SEMA3C: variants seen among roughly 807,000 people sequenced by gnomAD.
The protein encoded by SEMA3C is semaphorin 3C.
Under a neutral mutation model 89.4 loss-of-function variants are expected in SEMA3C, and 47 were observed. The observed-to-expected ratio is 0.53, with a 90% confidence interval of 0.42 to 0.67. SEMA3C has a LOEUF of 0.67. Ranked by LOEUF, SEMA3C falls within the 30% of genes least tolerant of loss-of-function variation. The probability of loss-of-function intolerance (pLI) is 0.00; values close to 1 mark genes in which losing one functional copy is unlikely to be tolerated. For synonymous variants in SEMA3C, 310 were observed against 320.2 expected (o/e 0.97, Z 0.34); for missense variants, 839 against 929.1 (o/e 0.90, Z 1.26).
At chr7:80,853,953 T>C (rs1256750949) in intron 2 of SEMA3C, among the ~76,000 whole-genome samples, 1 of 148,140 alleles carries the variant, frequency 6.8e-6, no homozygotes, top group Admixed American at 6.7e-5. Context: ...ATATTAAAAA[T>C]AAAAAAAATG....
Position 80,745,048 on chromosome 7 carries a change from T to C in SEMA3C, c.2102A>G (p.Glu701Gly). The C allele has an allele frequency of 6.2e-7, 1 of 1,614,152 alleles. No individual in the cohort carries two copies. Among genetic ancestry groups the C allele is most frequent in the South Asian group, 1.1e-5 (1 of 91,082 alleles). The change falls in exon 18 of 18, where the codon GAA becomes GGA. Residue 701 changes from glutamate (E) to glycine (G), a missense_variant. Coordinates refer to ENST00000265361, the MANE Select transcript of SEMA3C (RefSeq NM_006379.5). ...GCAATATTGGTTAATCATCTGCATT[T>C]CTGAGTGGCTGAATGCCCCCATGAT... ...KDIMGAFSHS[E>G]MQMINQYCKD...
At chr7:80,879,186 T>C (rs779553031) in intron 2 of SEMA3C, among the ~76,000 whole-genome samples, 1 of 151,252 alleles carries the variant, frequency 6.6e-6, no homozygotes, top group Admixed American at 6.6e-5. Flanking sequence ...TGCTAGAAAA[T>C]TGAACCTAGG....
At chr7:80,790,078 T>G (rs1339348720) in intron 11 of SEMA3C, among the ~76,000 whole-genome samples, 1 of 151,764 alleles carries the variant, frequency 6.6e-6, no homozygotes, top group African/African-American at 2.4e-5. Flanking sequence ...AAGCCAGGGG[T>G]TCAAGACCAG....
At chr7:80,841,632 C>T (rs1274754768) in intron 2 of SEMA3C, among the ~76,000 whole-genome samples, 1 of 152,134 alleles carries the variant, frequency 6.6e-6, no homozygotes, top group Non-Finnish European at 1.5e-5. Flanking sequence ...TGGAGGACCA[C>T]CCACAGCTTT....
At chr7:80,806,227 G>A (rs893125214) in intron 6 of SEMA3C, among the ~76,000 whole-genome samples, 10 of 152,016 alleles carry the variant, frequency 6.6e-5, no homozygotes, top group African/African-American at 2.2e-4. Flanking sequence ...TGAACATCTA[G>A]AGTCTCAACC....
At chr7:80,838,961 AT>A (rs1790201950) in intron 2 of SEMA3C, among the ~76,000 whole-genome samples, 1 of 152,092 alleles carries the variant, frequency 6.6e-6, no homozygotes, top group African/African-American at 2.4e-5. Context: ...GTGTTGTGTA[AT>A]TCAATTAAAT....
At chr7:80,833,467 AAAAG>A (rs1352711582) in intron 2 of SEMA3C, among the ~76,000 whole-genome samples, 17 of 152,202 alleles carry the variant, frequency 1.1e-4, no homozygotes, top group Admixed American at 3.3e-4. Context: ...GTCTAAAAAA[AAAAG>A]AAAGAAAGAA....
At chr7:80,758,561 A>T in intron 14 of SEMA3C, 73 bp from the exon 15 acceptor site, 1 of 1,383,106 alleles carries the variant, frequency 7.2e-7, no homozygotes, top group Non-Finnish European at 1.0e-6. Context: ...AACACATTAT[A>T]ATATATGCCC....
In SEMA3C at chr7:80,799,653, C is replaced by A. The variant is rs548462111; in HGVS notation, c.986+1104G>T. On this transcript the variant is annotated intron_variant, in intron 10 of 17. Transcript: ENST00000265361. ...GATCAGGAGTTTGAGACCAGCCTGA[C>A]CAACATGGTGAAACCCTGTCTCTAC... 1.5e-4 allele frequency among the ~76,000 whole-genome samples: 23 copies of A among 151,188 alleles called. No individual in the cohort carries two copies. The East Asian group carries it at 4.1e-3, about 27-fold the overall frequency.
chr7:80,798,274 T>G, intron 10 of SEMA3C, 38 bp from the exon 11 acceptor site: 2 of 1,351,282 alleles, frequency 1.5e-6, no homozygotes, highest in Non-Finnish European at 1.9e-6. Flanking sequence ...TTCAAATTTT[T>G]AAAATTAAAA....
intron 2 of SEMA3C, among the ~76,000 whole-genome samples, chr7:80,871,210 C>A (rs530721424): frequency 1.3e-5 from 2 of 152,062 alleles, no homozygotes; most frequent in African/African-American, 4.8e-5. Context: ...AAGAGGGGAG[C>A]GAGTAGGAGA....
At chr7:80,840,187 A>G (rs1310045299) in intron 2 of SEMA3C, among the ~76,000 whole-genome samples, 2 of 151,936 alleles carry the variant, frequency 1.3e-5, no homozygotes, top group Non-Finnish European at 2.9e-5. Flanking sequence ...TACAAAACAG[A>G]AATATTCTTT....
At chr7:80,820,631 C>A (rs935199774) in intron 4 of SEMA3C, among the ~76,000 whole-genome samples, 22 of 152,048 alleles carry the variant, frequency 1.4e-4, no homozygotes, top group Non-Finnish European at 3.1e-4. Flanking sequence ...CCAGACCATA[C>A]ACTTTATTTT....
rs200175419 is a variant in SEMA3C at position 80,800,806 on chromosome 7, T to C, written c.937A>G (p.Thr313Ala). The C allele has an allele frequency of 1.4e-5, 21 of 1,518,124 alleles. No homozygotes were observed. The highest frequency in any genetic ancestry group is 3.5e-4 in the Middle Eastern group (2 of 5,782). The allele number at this position is 1,518,124 out of a possible 1,614,324, so 94.0% of individuals were successfully genotyped here. Residue 313 changes from threonine (T) to alanine (A), a missense_variant, in exon 10 of 18, where the codon ACT (threonine) becomes GCT (alanine). By Grantham distance (58) the Thr-to-Ala change is moderately conservative. Coordinates refer to ENST00000265361, the MANE Select transcript of SEMA3C (RefSeq NM_006379.5). ...ACTAGTGTTGTCCTCGGGTTATCAG[T>C]TTCCAGCAGAAACACATCCTCTATA... ...DELEDVFLLE[T>A]DNPRTTLVYG...
intron 12 of SEMA3C, among the ~76,000 whole-genome samples, chr7:80,786,536 C>T (rs180681147): frequency 8.7e-4 from 133 of 152,220 alleles, no homozygotes; most frequent in East Asian, 7.7e-4. Context: ...CAAATTAACA[C>T]GTAGCCTCAG....
intron 8 of SEMA3C, 65 bp from the exon 9 acceptor site, chr7:80,802,844 G>A (rs1789242348): frequency 1.1e-5 from 13 of 1,184,542 alleles, no homozygotes; most frequent in South Asian, 7.6e-5. Flanking sequence ...TTAAAAATTC[G>A]ACTTGTACTC....
At chr7:80,826,206 C>T (rs575026937) in intron 4 of SEMA3C, among the ~76,000 whole-genome samples, 2 of 152,150 alleles carry the variant, frequency 1.3e-5, no homozygotes, top group South Asian at 4.1e-4. Flanking sequence ...CCACTTTCCA[C>T]AGGATTAGTA....
chr7:80,817,904 A>G (rs866138188), intron 5 of SEMA3C, among the ~76,000 whole-genome samples: 1 of 152,154 alleles, frequency 6.6e-6, no homozygotes, highest in Non-Finnish European at 1.5e-5. Flanking sequence ...ATATTTCTAT[A>G]ATTTGGAGCA....
chr7:80,906,910 C>G (rs1463985334), intron 2 of SEMA3C, among the ~76,000 whole-genome samples: 1 of 152,042 alleles, frequency 6.6e-6, no homozygotes, highest in Non-Finnish European at 1.5e-5. Context: ...GCTTTTTCTT[C>G]TATCATAGAA....
Sources: allele counts gnomAD v4.1 joint callset (sites outside exome capture counted in the v4.1 genomes callset), GRCh38; gene constraint gnomAD v4.1.1; transcripts MANE v1.5; gene names NCBI Gene and HGNC (gene_info 2026-07-23, HGNC 2026-07-21).